The following STK24 variants were observed in gnomAD, a reference collection of about 807,000 sequenced individuals.
STK24 encodes serine/threonine kinase 24, also known as serine/threonine-protein kinase 24.
In STK24, 21 loss-of-function variants were observed where a neutral mutation model predicts 55.6. That is an observed-to-expected ratio of 0.38 (90% CI 0.27 to 0.54). STK24 has a LOEUF of 0.54. STK24 is among the 20% of genes least tolerant of loss of function. The probability of loss-of-function intolerance (pLI) is 0.79; values close to 1 mark genes in which losing one functional copy is unlikely to be tolerated. For synonymous variants in STK24, 200 were observed against 215.2 expected, an observed-to-expected ratio of 0.93 and a Z score of 0.62; for missense variants, 383 against 538.4, an observed-to-expected ratio of 0.71 and a Z score of 2.86.
At chr13:98,538,772 G>A (rs571997502) in intron 1 of STK24, among the ~76,000 whole-genome samples, 11 of 152,182 alleles carry the variant, frequency 7.2e-5, no homozygotes, top group African/African-American at 2.4e-4. Context: ...CCCACCTGCC[G>A]CCTGACCTCC....
chr13:98,568,527 C>G (rs2139462636), intron 1 of STK24, among the ~76,000 whole-genome samples: 1 of 152,234 alleles, frequency 6.6e-6, no homozygotes, highest in Non-Finnish European at 1.5e-5. Context: ...ATATATGGAC[C>G]AGGCTGCAGC....
At chr13:98,558,908 T>C (rs1897342092) in intron 1 of STK24, among the ~76,000 whole-genome samples, 1 of 147,524 alleles carries the variant, frequency 6.8e-6, no homozygotes, top group African/African-American at 2.5e-5. Flanking sequence ...CTCACGCCTG[T>C]AATCCCAGCA....
intron 5 of STK24, among the ~76,000 whole-genome samples, chr13:98,471,183 G>A (rs1351000227): frequency 6.6e-6 from 1 of 152,184 alleles, no homozygotes; most frequent in Non-Finnish European, 1.5e-5. Flanking sequence ...ACCAGTGACA[G>A]GAAGGGCTGG....
At chr13:98,493,098 C>T (rs949197847) in intron 2 of STK24, among the ~76,000 whole-genome samples, 2 of 152,152 alleles carry the variant, frequency 1.3e-5, no homozygotes, top group African/African-American at 4.8e-5. Flanking sequence ...GGTTTACGTG[C>T]CTCATTCCAT....
At chr13:98,526,310 A>G (rs1046577112) in intron 1 of STK24, among the ~76,000 whole-genome samples, 1 of 152,182 alleles carries the variant, frequency 6.6e-6, no homozygotes, top group African/African-American at 2.4e-5. Flanking sequence ...TGCAGTGCAC[A>G]CAGCGTGTAG....
intron 2 of STK24, among the ~76,000 whole-genome samples, chr13:98,497,665 C>T (rs1205435482): frequency 6.6e-6 from 1 of 152,248 alleles, no homozygotes; most frequent in Non-Finnish European, 1.5e-5. Flanking sequence ...GCCACTAACA[C>T]AAATTCTGTG....
chr13:98,539,386 CCTTGGATGCCTGAAA>C, intron 1 of STK24, among the ~76,000 whole-genome samples: 1 of 152,262 alleles, frequency 6.6e-6, no homozygotes, highest in South Asian at 2.1e-4. Context: ...GATGAACCAT[CCTTGGATGCCTGAAA>C]AAAAGAATCA....
intron 9 of STK24, among the ~76,000 whole-genome samples, chr13:98,459,033 T>C (rs1893588460): frequency 6.6e-6 from 1 of 152,106 alleles, no homozygotes; most frequent in Non-Finnish European, 1.5e-5. Context: ...TCCTGAATAA[T>C]TATGTCAAAG....
intron 1 of STK24, among the ~76,000 whole-genome samples, chr13:98,564,000 A>C (rs138070013): frequency 4.2e-3 from 634 of 152,338 alleles, no homozygotes; most frequent in Middle Eastern, 6.8e-3. Flanking sequence ...ATCAAAGTGT[A>C]ACTAAATCCA....
At chr13:98,475,518 C>T (rs1477553001) in intron 3 of STK24, among the ~76,000 whole-genome samples, 160 bp from the exon 4 acceptor site, 3 of 152,208 alleles carry the variant, frequency 2.0e-5, no homozygotes, top group African/African-American at 7.2e-5. Flanking sequence ...TTACAGTCCA[C>T]TGAGGGACCC....
chr13:98,544,686 A>C (rs7333699), intron 1 of STK24, among the ~76,000 whole-genome samples: 76,200 of 152,090 alleles, frequency 0.5, 19,230 homozygotes, highest in East Asian at 0.52. Context: ...TCTACAAGGA[A>C]AGACAGTGGT....
At chr13:98,453,815 CATAT>C (rs72234138) in intron 10 of STK24, 38,858 of 151,972 alleles carry the variant, frequency 0.26, 5,084 homozygotes, top group Non-Finnish European at 0.3. Context: ...TCTGTATTTA[CATAT>C]ATATATTAAA....
chr13:98,576,714 C>CGG (rs1897908187), intron 1 of STK24, 31 bp downstream of exon 1: 1 of 1,457,702 alleles, frequency 6.9e-7, no homozygotes, highest in Non-Finnish European at 9.0e-7. Flanking sequence ...CCCGGTCGCG[C>CGG]ATCCCGGCCC....
At chr13:98,507,994 G>A (rs1895754875) in intron 2 of STK24, among the ~76,000 whole-genome samples, 1 of 151,796 alleles carries the variant, frequency 6.6e-6, no homozygotes, top group African/African-American at 2.4e-5. Context: ...TACCAAAGGA[G>A]AATTCAAACA....
chr13:98,537,277 C>T (rs1566393380), intron 1 of STK24, among the ~76,000 whole-genome samples: 2 of 152,216 alleles, frequency 1.3e-5, no homozygotes, highest in Admixed American at 1.3e-4. Context: ...CACCTGTCTT[C>T]GTGGGGCCTC....
chr13:98,508,893 A>G (rs1282858783), intron 2 of STK24: 1 of 140,926 alleles, frequency 7.1e-6, no homozygotes, highest in Non-Finnish European at 1.6e-5. Flanking sequence ...CTGTTTCATC[A>G]GTTCTCAAAG....
chr13:98,575,908 A>C (rs1465437001), intron 1 of STK24: 2 of 467,102 alleles, frequency 4.3e-6, no homozygotes, highest in African/African-American at 4.2e-5. Flanking sequence ...ACAACAAAAA[A>C]CCTTTAACTT....
intron 3 of STK24, among the ~76,000 whole-genome samples, chr13:98,481,986 G>C (rs1894601893): frequency 6.6e-6 from 1 of 151,436 alleles, no homozygotes; most frequent in African/African-American, 2.4e-5. Flanking sequence ...AAAATCGCTT[G>C]TACCCAGGAA....
intron 2 of STK24, chr13:98,508,670 T>C (rs1895777942): frequency 6.6e-6 from 1 of 152,190 alleles, no homozygotes; most frequent in Non-Finnish European, 1.5e-5. Flanking sequence ...CAGTGTCTGG[T>C]TCCATGCCAT....
Sources: allele counts gnomAD v4.1 joint callset (sites outside exome capture counted in the v4.1 genomes callset), GRCh38; gene constraint gnomAD v4.1.1; transcripts MANE v1.5; gene names NCBI Gene and HGNC (gene_info 2026-07-23, HGNC 2026-07-21).